Variants in SLC26A2 observed in about 807,000 individuals in gnomAD.
The protein encoded by SLC26A2 is solute carrier family 26 member 2, also known as sulfate transporter.
SLC26A2 carries 36 observed loss-of-function variants against 41.1 expected under a neutral mutation model. That is an observed-to-expected ratio of 0.88 (90% CI 0.67 to 1.16). SLC26A2 has a LOEUF of 1.16. Among genes scored for constraint, SLC26A2 ranks in the 50% most tolerant of loss-of-function variants. The pLI is 0.00. For synonymous variants in SLC26A2, 291 were observed against 311.6 expected (o/e 0.93, Z 0.70); for missense variants, 796 against 869.6 (o/e 0.92, Z 1.07).
intron 2 of SLC26A2, among the ~76,000 whole-genome samples, chr5:149,978,919 C>T (rs769248975): frequency 2.9e-4 from 44 of 151,482 alleles, no homozygotes; most frequent in Non-Finnish European, 5.2e-4. Context: ...GGTTTTGCCA[C>T]GTTGCCCAGG....
chr5:149,981,054 A>G lies in SLC26A2; in HGVS notation c.1461A>G (p.Thr487=). 6.2e-7 allele frequency: 1 copy of G among 1,614,218 alleles called. No individual in the cohort carries two copies. Among genetic ancestry groups the G allele is most frequent in the East Asian group, 2.2e-5 (1 of 44,890 alleles). Residue 487 remains threonine, a synonymous_variant, in exon 3 of 3, where the codon ACA becomes ACG. Coordinates refer to ENST00000286298, the MANE Select transcript of SLC26A2 (RefSeq NM_000112.4). The part of the protein sequence containing the change: ...SLQKSVLGVI[T]IVNLRGALRK... ...AAAAAAGTGTCCTTGGTGTGATCAC[A>G]ATTGTAAATCTACGGGGAGCCCTTC...
In SLC26A2 at chr5:149,982,155, A is replaced by G. The variant is rs1188442883; in HGVS notation, c.*342A>G. ...ACATTTGGACTGTGCATTCTCCAAGAGATGAAGCGGTGAAGTTGGGATTTA... is the reference window on the plus strand; with the variant it reads ...ACATTTGGACTGTGCATTCTCCAAGGGATGAAGCGGTGAAGTTGGGATTTA... On this transcript the variant is annotated 3_prime_UTR_variant, in exon 3 of 3. Coordinates refer to ENST00000286298, the MANE Select transcript of SLC26A2 (RefSeq NM_000112.4). The G allele has an allele frequency of 9.6e-6, 2 of 208,510 alleles. No homozygotes were observed. Among genetic ancestry groups the G allele is most frequent in the East Asian group, 1.2e-4 (1 of 8,308 alleles). The allele number at this position is 208,510 out of a possible 1,614,324, so 12.9% of individuals were successfully genotyped here.
At position 149,977,996 on chromosome 5, in the gene SLC26A2, G is replaced by C. The variant is rs766328991; in HGVS notation, c.344G>C (p.Gly115Ala). ...AACATTTTAGGGGATGTGATGTCAG[G>C]CTTGATTGTGGGCATATTATTGGTG... ...KKNILGDVMS[G>A]LIVGILLVPQ... Residue 115 changes from glycine (G) to alanine (A), a missense_variant, in exon 2 of 3, where the codon GGC (glycine) becomes GCC (alanine). By Grantham distance (60) the Gly-to-Ala change is moderately conservative. Coordinates refer to ENST00000286298, the MANE Select transcript of SLC26A2 (RefSeq NM_000112.4). 3 of 1,614,030 alleles carry C rather than the reference G, an allele frequency of 1.9e-6. No homozygotes were observed. In the African/African-American group the frequency reaches 4.0e-5, roughly 22 times the overall value.
At position 149,981,653 on chromosome 5, in the gene SLC26A2, A is replaced by G. The variant is rs1194723014; in HGVS notation, c.2060A>G (p.Asn687Ser). 8 of 1,614,036 alleles carry G rather than the reference A, an allele frequency of 5.0e-6. No individual in the cohort carries two copies. The Admixed American group carries it at 6.7e-5, about 13-fold the overall frequency. Residue 687 changes from asparagine to serine, a missense_variant, in exon 3 of 3, where the codon AAT becomes AGT. Asn to Ser is a conservative substitution (Grantham distance 46). Coordinates refer to ENST00000286298, the MANE Select transcript of SLC26A2 (RefSeq NM_000112.4). ...IGIQVLLAQCNPTVRDSLTNG... is the reference protein window; with the variant it reads ...IGIQVLLAQCSPTVRDSLTNG... ...ATCCAGGTTCTGCTGGCTCAGTGCA[A>G]TCCCACTGTGAGGGATTCCCTAACC...
intron 1 of SLC26A2, among the ~76,000 whole-genome samples, chr5:149,973,554 G>A (rs1560680): frequency 0.08 from 11,927 of 149,596 alleles, 628 homozygotes; most frequent in Non-Finnish European, 0.12. Flanking sequence ...TCTCTCTCCC[G>A]TTCCCCCCAC....
At position 149,977,932 on chromosome 5, in the gene SLC26A2, C is replaced by T. The variant is rs771569066; in HGVS notation, c.280C>T (p.Pro94Ser). 8.7e-6 allele frequency: 14 copies of T among 1,614,084 alleles called. No homozygotes were observed. The highest frequency in any genetic ancestry group is 4.4e-5 in the South Asian group (4 of 91,088). ...KAKNMILGFLPVLQWLPKYDL... is the reference protein window; with the variant it reads ...KAKNMILGFLSVLQWLPKYDL... ...CAAAAATATGATTTTAGGTTTCCTT[C>T]CTGTTTTGCAGTGGCTCCCAAAATA... Residue 94 changes from proline to serine, a missense_variant, in exon 2 of 3, where the codon CCT (proline) becomes TCT (serine). Pro to Ser is a moderately conservative substitution (Grantham distance 74). Transcript: ENST00000286298.
Position 149,967,305 on chromosome 5 carries a change from A to C in SLC26A2, c.-26+6326A>C, listed in dbSNP as rs114205532. Reference sequence around the variant, plus strand: ...TACATATTTCAAAGGTACTCTCTCTATATATATACATAAAACTGTCACCAC... The same window carrying C: ...TACATATTTCAAAGGTACTCTCTCTCTATATATACATAAAACTGTCACCAC... On this transcript the variant is annotated intron_variant, in intron 1 of 2. Coordinates refer to ENST00000286298, the MANE Select transcript of SLC26A2 (RefSeq NM_000112.4). 5.3e-3 allele frequency among the ~76,000 whole-genome samples: 812 copies of C among 152,286 alleles called. 3 individuals carry two copies. The highest frequency in any genetic ancestry group is 8.3e-3 in the Non-Finnish European group (562 of 68,022).
At chr5:149,967,030 G>A (rs577204147) in intron 1 of SLC26A2, among the ~76,000 whole-genome samples, 2 of 152,114 alleles carry the variant, frequency 1.3e-5, no homozygotes, top group Non-Finnish European at 2.9e-5. Context: ...TGGGCACAGC[G>A]GCGTGTGTCC....
chr5:149,965,427 C>CCGA (rs1754788636), intron 1 of SLC26A2, among the ~76,000 whole-genome samples: 1 of 143,710 alleles, frequency 7.0e-6, no homozygotes, highest in African/African-American at 2.6e-5. Context: ...TTGCAGTGAG[C>CCGA]CGAGATCACA....
Position 149,971,105 on chromosome 5 carries a change from T to A in SLC26A2, c.-25-6523T>A, listed in dbSNP as rs371269676. Among the ~76,000 whole-genome samples the A allele has an allele frequency of 1.1e-4, 17 of 152,328 alleles. No individual in the cohort carries two copies. The East Asian group carries it at 1.2e-3, about 10-fold the overall frequency. On this transcript the variant is annotated intron_variant, in intron 1 of 2. Coordinates refer to ENST00000286298, the MANE Select transcript of SLC26A2 (RefSeq NM_000112.4). The stretch of plus-strand genomic sequence containing the variant: ...CCATTTAACACAGATGGATCTGAGT[T>A]TTCCTCTGATGAGTTGTTGTCTTTT...
At chr5:149,978,433 A>ATT in intron 2 of SLC26A2, 82 bp downstream of exon 2, 1 of 1,127,106 alleles carries the variant, frequency 8.9e-7, no homozygotes, top group Non-Finnish European at 1.3e-6. Context: ...GATCTGAGGA[A>ATT]TCACAATAAT....
intron 1 of SLC26A2, among the ~76,000 whole-genome samples, chr5:149,972,571 T>C (rs1754922419): frequency 6.6e-6 from 1 of 152,252 alleles, no homozygotes; most frequent in Non-Finnish European, 1.5e-5. Context: ...GGATCTATTC[T>C]TGGGATCCCA....
chr5:149,963,273 C>G (rs1356264197), intron 1 of SLC26A2, among the ~76,000 whole-genome samples: 2 of 150,652 alleles, frequency 1.3e-5, no homozygotes, highest in African/African-American at 2.4e-5. Context: ...CCACGCCTGG[C>G]TAATTTTTTT....
chr5:149,978,333 T>C lies in SLC26A2; in HGVS notation c.681T>C (p.Phe227=). The change falls in exon 2 of 3, where the codon TTT becomes TTC. Residue 227 remains phenylalanine (F), a synonymous_variant. Coordinates refer to ENST00000286298, the MANE Select transcript of SLC26A2 (RefSeq NM_000112.4). ...TTATGGTTGGCAGCACTGTAACCTT[T>C]ATAGCTGGAGTTTATCAGGTAAGCA... ...YAIMVGSTVT[F]IAGVYQVAMG... The C allele has an allele frequency of 6.2e-7, 1 of 1,612,482 alleles. No individual in the cohort carries two copies. The highest frequency in any genetic ancestry group is 8.5e-7 in the Non-Finnish European group (1 of 1,179,536).
intron 1 of SLC26A2, among the ~76,000 whole-genome samples, chr5:149,965,479 CAAAAAAAAAA>C (rs55779255): frequency 1.6e-5 from 1 of 63,930 alleles, no homozygotes; most frequent in African/African-American, 6.2e-5. Flanking sequence ...GACTCTGTCT[CAAAAAAAAAA>C]AAAAAAAAAA....
At chr5:149,974,509 G>A (rs1028516221) in intron 1 of SLC26A2, among the ~76,000 whole-genome samples, 5 of 150,518 alleles carry the variant, frequency 3.3e-5, no homozygotes, top group Non-Finnish European at 3.0e-5. Context: ...TGCAGCCTCC[G>A]CCTCCCAGGT....
At chr5:149,963,848 G>C (rs544422850) in intron 1 of SLC26A2, among the ~76,000 whole-genome samples, 2 of 137,788 alleles carry the variant, frequency 1.5e-5, no homozygotes, top group African/African-American at 5.5e-5. Context: ...CTCTCAAAGC[G>C]CTGGGATTAC....
At chr5:149,979,253 A>T (rs1286141927) in intron 2 of SLC26A2, among the ~76,000 whole-genome samples, 1 of 152,180 alleles carries the variant, frequency 6.6e-6, no homozygotes, top group East Asian at 1.9e-4. Context: ...AGTCAGTGCC[A>T]GGATTAAACC....
At chr5:149,967,847 T>A (rs190382435) in intron 1 of SLC26A2, among the ~76,000 whole-genome samples, 135 of 152,244 alleles carry the variant, frequency 8.9e-4, no homozygotes, top group African/African-American at 3.2e-3. Flanking sequence ...CCTCCTTGGC[T>A]CAAGCAATCC....
Sources: gnomAD v4.1 joint callset for allele counts (sites outside exome capture counted in the v4.1 genomes callset) on GRCh38, gnomAD v4.1.1 for gene constraint, MANE v1.5 for transcripts, NCBI Gene and HGNC (gene_info 2026-07-23, HGNC 2026-07-21) for gene names.